Variants in MROH1 observed in about 807,000 individuals in gnomAD.
MROH1 encodes the protein maestro heat-like repeat-containing protein family member 1.
A neutral mutation model predicts 116.5 loss-of-function variants in MROH1; 117 were observed. The ratio of observed to expected loss-of-function variants is 1.00; its 90% confidence interval spans 0.86 to 1.17. The LOEUF is 1.17. MROH1 is among the 50% of genes most tolerant of loss of function. MROH1 has a pLI of 0.00. For synonymous variants in MROH1, 921 were observed against 583.9 expected, an observed-to-expected ratio of 1.58 and a Z score of -8.32; for missense variants, 1,873 against 1,338.5, an observed-to-expected ratio of 1.40 and a Z score of -6.23.
At chr8:144,250,680 GGCTCCAGCACACA>G (rs1842708123) in intron 33 of MROH1, 1 of 459,450 alleles carries the variant, frequency 2.2e-6, no homozygotes, top group East Asian at 4.3e-5. Context: ...GTTGGCCCCA[GGCTCCAGCACACA>G]CTGGAGGCTG....
chr8:144,189,840 C>T (rs1304804266), intron 7 of MROH1, among the ~76,000 whole-genome samples: 1 of 152,252 alleles, frequency 6.6e-6, no homozygotes, highest in Non-Finnish European at 1.5e-5. Context: ...GTCTCTGTGG[C>T]AGACTGGAGT....
At chr8:144,248,214 C>A (rs986285271) in intron 31 of MROH1, among the ~76,000 whole-genome samples, 1 of 152,188 alleles carries the variant, frequency 6.6e-6, no homozygotes, top group Non-Finnish European at 1.5e-5. Context: ...CTGGGCACCG[C>A]GTCCCCTCCC....
At chr8:144,257,952 T>C (rs984791022) in intron 35 of MROH1, among the ~76,000 whole-genome samples, 11 of 151,990 alleles carry the variant, frequency 7.2e-5, no homozygotes, top group African/African-American at 2.4e-4. Flanking sequence ...TCCTGCTGGG[T>C]GGGGACGCTG....
intron 32 of MROH1, among the ~76,000 whole-genome samples, chr8:144,249,545 CT>C (rs1182526533): frequency 2.4e-4 from 37 of 152,164 alleles, no homozygotes; most frequent in Admixed American, 2.4e-3. Context: ...AGGGAGCCCC[CT>C]CGTGACAAGG....
In MROH1 at chr8:144,260,061, G is replaced by T; in HGVS notation, c.4191+4G>T. The T allele has an allele frequency of 1.4e-6, 1 of 727,182 alleles. No homozygotes were observed. Among genetic ancestry groups the T allele is most frequent in the East Asian group, 2.6e-5 (1 of 38,602 alleles). The allele number at this position is 727,182 out of a possible 1,614,324, so 45.0% of individuals were successfully genotyped here. A position where few individuals can be genotyped will look rare whatever the true frequency, so the allele number is the denominator to read the frequency against. On this transcript the variant is annotated splice_donor_region_variant and intron_variant, in intron 38 of 43. Transcript: ENST00000326134. Reference sequence around the variant, plus strand: ...GGCCTCCGGCTGCCCTGACAAGGTGGGGTGGCCACCAGCCCCTCTGGGTCC... The same window carrying T: ...GGCCTCCGGCTGCCCTGACAAGGTGTGGTGGCCACCAGCCCCTCTGGGTCC...
intron 3 of MROH1, 57 bp from the exon 4 acceptor site, chr8:144,168,238 G>A: frequency 6.7e-7 from 1 of 1,497,992 alleles, no homozygotes. Context: ...GGCAGCCGAG[G>A]TGTGATAGGA....
chr8:144,168,975 A>G (rs975839110), intron 4 of MROH1, among the ~76,000 whole-genome samples: 12 of 151,964 alleles, frequency 7.9e-5, no homozygotes, highest in Non-Finnish European at 1.6e-4. Context: ...CCTCTTGGGA[A>G]CTCTCTCTTC....
intron 12 of MROH1, among the ~76,000 whole-genome samples, chr8:144,212,075 T>TG (rs1439376894): frequency 1.3e-4 from 12 of 94,472 alleles, no homozygotes; most frequent in Non-Finnish European, 1.7e-4. Flanking sequence ...CTGTGTTGTT[T>TG]TTTTGTTTGT....
intron 1 of MROH1, among the ~76,000 whole-genome samples, chr8:144,151,506 T>A (rs1816783565): frequency 6.6e-6 from 1 of 151,864 alleles, no homozygotes; most frequent in Non-Finnish European, 1.5e-5. Flanking sequence ...AGGAAGACCA[T>A]CTCCTTTCTG....
chr8:144,190,799 G>A lies in MROH1; in HGVS notation c.578G>A (p.Ser193Asn). Residue 193 changes from serine (S) to asparagine (N), a missense_variant, in exon 8 of 44, where the codon AGC (serine) becomes AAC (asparagine). Physicochemically the swap from Ser to Asn is conservative, Grantham distance 46. Coordinates refer to ENST00000326134, the MANE Select transcript of MROH1 (RefSeq NM_032450.3). Reference protein sequence around the residue: ...VAFCSALQRFSEGALEYLANL... With the variant: ...VAFCSALQRFNEGALEYLANL... ...GGTTTTGTAGCTCTGCAGCGCTTCAGCGAGGGTGCCCTGGAGTACCTAGCC... is the reference window on the plus strand; with the variant it reads ...GGTTTTGTAGCTCTGCAGCGCTTCAACGAGGGTGCCCTGGAGTACCTAGCC... 1 of 1,613,532 alleles carries A rather than the reference G, an allele frequency of 6.2e-7. No homozygotes were observed. Among genetic ancestry groups the A allele is most frequent in the Non-Finnish European group, 8.5e-7 (1 of 1,179,808 alleles).
intron 12 of MROH1, among the ~76,000 whole-genome samples, chr8:144,216,179 C>T (rs1454037715): frequency 1.4e-5 from 2 of 147,750 alleles, no homozygotes; most frequent in Admixed American, 1.4e-4. Context: ...AACCCTGTCT[C>T]AAAAAAAACA....
intron 3 of MROH1, among the ~76,000 whole-genome samples, chr8:144,165,268 G>A (rs183585938): frequency 5.9e-5 from 9 of 152,022 alleles, no homozygotes; most frequent in Non-Finnish European, 1.0e-4. Flanking sequence ...ACAGGTGCCC[G>A]CCACCATGTC....
chr8:144,259,250 G>A lies in MROH1; in HGVS notation c.3940G>A (p.Glu1314Lys). 1.4e-6 allele frequency: 1 copy of A among 714,114 alleles called. No individual in the cohort carries two copies. Among genetic ancestry groups the A allele is most frequent in the Non-Finnish European group, 2.6e-6 (1 of 384,860 alleles). The allele number at this position is 714,114 out of a possible 1,614,324, so 44.2% of individuals were successfully genotyped here. ...GGCCCCCTTTCCCAGGGCCATGGCT[G>A]AGCACGCAGGGCCCCGACTCCCCCT... is the stretch of plus-strand genomic sequence containing the variant. Reference protein sequence around the residue: ...GATRLARAMAEHAGPRLPLVL... With the variant: ...GATRLARAMAKHAGPRLPLVL... Residue 1314 changes from glutamate to lysine, a missense_variant, in exon 37 of 44, where the codon GAG (glutamate) becomes AAG (lysine). Coordinates refer to ENST00000326134, the MANE Select transcript of MROH1 (RefSeq NM_032450.3).
chr8:144,242,067 C>T (rs1383217946), intron 22 of MROH1: 3 of 519,174 alleles, frequency 5.8e-6, no homozygotes, highest in African/African-American at 5.8e-5. Flanking sequence ...TCCTGCCTGA[C>T]TCTCTCACGT....
Position 144,239,705 on chromosome 8 carries a change from T to C in MROH1, c.1724T>C (p.Leu575Pro), listed in dbSNP as rs1452459645. The C allele has an allele frequency of 2.7e-6, 2 of 730,862 alleles. No homozygotes were observed. Among genetic ancestry groups the C allele is most frequent in the East Asian group, 2.6e-5 (1 of 38,270 alleles). The allele number at this position is 730,862 out of a possible 1,614,324, so 45.3% of individuals were successfully genotyped here. ...SVLHPNIHPL[L>P]GQHWETTVPL... ...CTGCACCCAAACATTCACCCTTTGC[T>C]GGGTCAGCATTGGGAAACGACTGTC... Residue 575 changes from leucine (L) to proline (P), a missense_variant, in exon 18 of 44, where the codon CTG becomes CCG. Leu to Pro is a moderately conservative substitution (Grantham distance 98). Coordinates refer to ENST00000326134, the MANE Select transcript of MROH1 (RefSeq NM_032450.3).
At chr8:144,160,487 C>T (rs1217038008) in intron 1 of MROH1, among the ~76,000 whole-genome samples, 1 of 152,230 alleles carries the variant, frequency 6.6e-6, no homozygotes, top group Non-Finnish European at 1.5e-5. Context: ...TGATGCAATG[C>T]ATTATCACAA....
chr8:144,175,416 C>T (rs1823611075), intron 4 of MROH1: 1 of 862,808 alleles, frequency 1.2e-6, no homozygotes. Context: ...CAAGCTGCTG[C>T]TCCCAGCTCA....
chr8:144,211,568 A>G (rs1476555812), intron 12 of MROH1, among the ~76,000 whole-genome samples: 12 of 152,056 alleles, frequency 7.9e-5, no homozygotes. Context: ...CTACTAAAAA[A>G]TACAAAAATT....
intron 12 of MROH1, among the ~76,000 whole-genome samples, chr8:144,207,168 CT>C (rs957348633): frequency 2.0e-5 from 3 of 149,914 alleles, no homozygotes; most frequent in Non-Finnish European, 4.4e-5. Flanking sequence ...CTTTTCAAGT[CT>C]TTTTTTTGGG....
Sources: gnomAD v4.1 joint callset for allele counts (sites outside exome capture counted in the v4.1 genomes callset) on GRCh38, gnomAD v4.1.1 for gene constraint, MANE v1.5 for transcripts, NCBI Gene and HGNC (gene_info 2026-07-23, HGNC 2026-07-21) for gene names.